The following SBF1 variants were observed in gnomAD, a reference collection of about 807,000 sequenced individuals.
SBF1 encodes the protein myotubularin-related protein 5.
Under a neutral mutation model 215.8 loss-of-function variants are expected in SBF1, and 65 were observed. That is an observed-to-expected ratio of 0.30 (90% CI 0.25 to 0.37). The LOEUF (loss-of-function observed/expected upper bound fraction) is 0.37, where lower values mean the gene tolerates loss of function less well. Ranked by LOEUF, SBF1 falls within the 10% of genes least tolerant of loss-of-function variation. The pLI is 1.00. For missense variants in SBF1, 2,634 were observed against 2,667.8 expected (o/e 0.99, Z 0.28); for synonymous variants, 1,410 against 1,122.8 (o/e 1.26, Z -5.11).
chr22:50,462,252 G>C lies in SBF1; in HGVS notation c.2349C>G (p.Ala783=). ...SSKSRLLRER[A]GLGDLESASN... ...TGGCGCTCTCCAGGTCGCCCAGCCC[G>C]GCACGCTCCCGAAGTAGGCGGCTCT... is the stretch of plus-strand genomic sequence containing the variant. The change falls in exon 19 of 41, where the codon GCC becomes GCG. Residue 783 remains alanine (A), a synonymous_variant. Coordinates refer to ENST00000380817, the MANE Select transcript of SBF1 (RefSeq NM_002972.4). 6.2e-7 allele frequency: 1 copy of C among 1,609,984 alleles called. No homozygotes were observed. Among genetic ancestry groups the C allele is most frequent in the Admixed American group, 1.7e-5 (1 of 60,024 alleles).
At chr22:50,453,201 C>G (rs924067752) in intron 36 of SBF1, among the ~76,000 whole-genome samples, 1 of 152,098 alleles carries the variant, frequency 6.6e-6, no homozygotes, top group Non-Finnish European at 1.5e-5. Context: ...GTAAAAAATA[C>G]AAGAAAACAA....
In SBF1 at chr22:50,462,351, C is replaced by G; in HGVS notation, c.2250G>C (p.Glu750Asp). 6.2e-7 allele frequency: 1 copy of G among 1,614,152 alleles called. No individual in the cohort carries two copies. Among genetic ancestry groups the G allele is most frequent in the Non-Finnish European group, 8.5e-7 (1 of 1,180,022 alleles). ...GGATGGCCTGGCTGAACACCGTGCTCTCCTCCTTCTGCACCAGCTCCTGCT... is the reference window on the plus strand; with the variant it reads ...GGATGGCCTGGCTGAACACCGTGCTGTCCTCCTTCTGCACCAGCTCCTGCT... ...EKQQELVQKE[E>D]STVFSQAIHY... The change falls in exon 19 of 41, where the codon GAG becomes GAC. Residue 750 changes from glutamate to aspartate, a missense_variant. Coordinates refer to ENST00000380817, the MANE Select transcript of SBF1 (RefSeq NM_002972.4).
intron 1 of SBF1, among the ~76,000 whole-genome samples, chr22:50,469,858 C>T (rs1052622955): frequency 6.6e-6 from 1 of 152,150 alleles, no homozygotes; most frequent in African/African-American, 2.4e-5. Flanking sequence ...CCCCTACAGG[C>T]GGGGAGACCA....
At chr22:50,454,376 A>T in intron 36 of SBF1, 136 bp downstream of exon 36, 1 of 739,598 alleles carries the variant, frequency 1.4e-6, no homozygotes, top group Non-Finnish European at 2.2e-6. Context: ...TGGTGGGGAG[A>T]CGGCAGGGCC....
In SBF1 at chr22:50,447,337, C is replaced by G; in HGVS notation, c.5568G>C (p.Glu1856Asp). 1 of 1,614,080 alleles carries G rather than the reference C, an allele frequency of 6.2e-7. No individual in the cohort carries two copies. Among genetic ancestry groups the G allele is most frequent in the Non-Finnish European group, 8.5e-7 (1 of 1,179,984 alleles). ...PTMGAPKTVD[E>D]KAFFDVKTTR... ...CAAGGCTCACGTCAAAGAAGGCCTT[C>G]TCGTCCACAGTCTTAGGGGCACCCA... The change falls in exon 40 of 41, where the codon GAG (glutamate) becomes GAC (aspartate). Residue 1856 changes from glutamate to aspartate, a missense_variant. Physicochemically the swap from Glu to Asp is conservative, Grantham distance 45. Transcript: ENST00000380817.
chr22:50,448,498 C>T, intron 37 of SBF1, 45 bp downstream of exon 37: 1 of 1,608,780 alleles, frequency 6.2e-7, no homozygotes, highest in Non-Finnish European at 8.5e-7. Flanking sequence ...CCACTTTCTC[C>T]CAGCAACACG....
chr22:50,474,446 G>A (rs1344375353), intron 1 of SBF1, among the ~76,000 whole-genome samples: 1 of 152,190 alleles, frequency 6.6e-6, no homozygotes, highest in Non-Finnish European at 1.5e-5. Context: ...AGGCCGGGCA[G>A]GCCGGGCCCA....
chr22:50,461,148 C>A lies in SBF1; in HGVS notation c.2967+11G>T, dbSNP rs773236500. 2 of 1,587,680 alleles carry A rather than the reference C, an allele frequency of 1.3e-6. No individual in the cohort carries two copies. Among genetic ancestry groups the A allele is most frequent in the Admixed American group, 3.5e-5 (2 of 56,990 alleles). ...GGGGGATGAGAGCCCCACCCGCGCA[C>A]CGCGCCCCACCTGGAATGTGCAGGA... is the stretch of plus-strand genomic sequence containing the variant. On this transcript the variant is annotated intron_variant, in intron 23 of 40. Coordinates refer to ENST00000380817, the MANE Select transcript of SBF1 (RefSeq NM_002972.4).
rs1369119607 is a variant in SBF1 at position 50,461,179 on chromosome 22, G to A, written c.2947C>T (p.Leu983=). The A allele has an allele frequency of 1.2e-6, 2 of 1,608,494 alleles. No individual in the cohort carries two copies. Among genetic ancestry groups the A allele is most frequent in the Non-Finnish European group, 1.7e-6 (2 of 1,177,150 alleles). The change falls in exon 23 of 41, where the codon CTG becomes TTG. Residue 983 remains leucine, a synonymous_variant. Transcript: ENST00000380817. The part of the protein sequence containing the change: ...VDQLLQDGLQ[L]RSCTFQLLKM... ...CCCACCTGGAATGTGCAGGAGCGCA[G>A]CTGGAGCCCGTCCTGCAGGAGCTGG...
intron 23 of SBF1, 49 bp downstream of exon 23, chr22:50,461,110 G>A (rs751494605): frequency 2.2e-5 from 34 of 1,543,604 alleles, no homozygotes; most frequent in Non-Finnish European, 2.7e-5. Flanking sequence ...GTTTGCAGGA[G>A]AAAGACCAGG....
At position 50,447,330 on chromosome 22, in the gene SBF1, A is replaced by C. The variant is rs1293857123; in HGVS notation, c.5575T>G (p.Phe1859Val). The stretch of plus-strand genomic sequence containing the variant: ...CCCCGGCCAAGGCTCACGTCAAAGA[A>C]GGCCTTCTCGTCCACAGTCTTAGGG... ...GAPKTVDEKA[F>V]FDVKTTRRVY... The change falls in exon 40 of 41, where the codon TTC becomes GTC. Residue 1859 changes from phenylalanine to valine, a missense_variant. Coordinates refer to ENST00000380817, the MANE Select transcript of SBF1 (RefSeq NM_002972.4). 7.4e-6 allele frequency: 12 copies of C among 1,614,024 alleles called. No homozygotes were observed. The highest frequency in any genetic ancestry group is 1.7e-5 in the Admixed American group (1 of 60,024).
In SBF1 at chr22:50,445,646, C is replaced by T. The variant is rs743038; in HGVS notation, c.*1496G>A. On this transcript the variant is annotated 3_prime_UTR_variant, in exon 41 of 41. Transcript: ENST00000380817. Reference sequence around the variant, plus strand: ...TGGGTTTTCCAGGTGCCAGGAACTTCGGTCAGGCGCCATCTGTCCGGCCTG... The same window carrying T: ...TGGGTTTTCCAGGTGCCAGGAACTTTGGTCAGGCGCCATCTGTCCGGCCTG... 0.46 allele frequency: 69,571 copies of T among 152,216 alleles called. 17,496 individuals are homozygous for T. Among genetic ancestry groups the T allele is most frequent in the Non-Finnish European group, 0.56 (38,080 of 68,030 alleles). The allele number at this position is 152,216 out of a possible 1,614,324, so 9.4% of individuals were successfully genotyped here. A position where few individuals can be genotyped will look rare whatever the true frequency, so the allele number is the denominator to read the frequency against.
rs781322321 is a variant in SBF1, at chr22:50,461,617, G to GC, written c.2744dup (p.Ser916GlnfsTer11). 9 of 1,611,396 alleles carry GC rather than the reference G, an allele frequency of 5.6e-6. No homozygotes were observed. Among genetic ancestry groups the GC allele is most frequent in the Non-Finnish European group, 3.4e-6 (4 of 1,179,650 alleles). On this transcript the variant is annotated frameshift_variant, in exon 22 of 41. Transcript: ENST00000380817. LOFTEE classifies it high-confidence loss of function. ...GGAGCAATGCTGGTCCCCCAGCACT[G>GC]CCCCCCGCGCCCTCCTCACGCCCAT...
rs954377930 is a variant in SBF1, at chr22:50,457,887, C to G, written c.3827-776G>C. On this transcript the variant is annotated intron_variant, in intron 28 of 40. Transcript: ENST00000380817. Reference sequence around the variant, plus strand: ...TGGTCACTACAGGCCAAGCACAATGCCAGCCCAACACGCCCTGTGTCCTCT... The same window carrying G: ...TGGTCACTACAGGCCAAGCACAATGGCAGCCCAACACGCCCTGTGTCCTCT... Among the ~76,000 whole-genome samples the G allele has an allele frequency of 2.6e-5, 4 of 152,240 alleles. No individual in the cohort carries two copies. In the East Asian group the frequency reaches 7.7e-4, roughly 29 times the overall value.
chr22:50,464,512 C>A (rs2067662940), intron 14 of SBF1, 22 bp downstream of exon 14: 16 of 1,603,712 alleles, frequency 1.0e-5, no homozygotes, highest in Non-Finnish European at 1.3e-5. Flanking sequence ...CGGGGCCTGC[C>A]TTCCCCTCCC....
chr22:50,459,206 G>A (rs753211941), intron 28 of SBF1, 49 bp downstream of exon 28: 61 of 1,562,222 alleles, frequency 3.9e-5, no homozygotes, highest in Non-Finnish European at 4.8e-5. Flanking sequence ...ATGCCACCAC[G>A]GCCCCCCAAA....
rs1255879417 is a variant in SBF1, at chr22:50,460,167, G to C, written c.3284-8C>G. On this transcript the variant is annotated splice_polypyrimidine_tract_variant and splice_region_variant and intron_variant, in intron 25 of 40. Coordinates refer to ENST00000380817, the MANE Select transcript of SBF1 (RefSeq NM_002972.4). ...GCTCCAGCTCCTCCGACACTGCACAGGCCGGGCACACGTGGTCATCACGGG... is the reference window on the plus strand; with the variant it reads ...GCTCCAGCTCCTCCGACACTGCACACGCCGGGCACACGTGGTCATCACGGG... 1.2e-6 allele frequency: 2 copies of C among 1,610,360 alleles called. No individual in the cohort carries two copies. The highest frequency in any genetic ancestry group is 1.7e-6 in the Non-Finnish European group (2 of 1,179,732).
intron 31 of SBF1, chr22:50,455,954 G>A: frequency 1.8e-6 from 1 of 562,634 alleles, no homozygotes; most frequent in Non-Finnish European, 3.1e-6. Context: ...CCCCCGTGTG[G>A]TCATCAGCCC....
chr22:50,460,141 G>C lies in SBF1; in HGVS notation c.3302C>G (p.Pro1101Arg). The change falls in exon 26 of 41, where the codon CCC becomes CGC. Residue 1101 changes from proline (P) to arginine (R), a missense_variant. By Grantham distance (103) the Pro-to-Arg change is moderately radical. Transcript: ENST00000380817. ...DEISVSEELE[P>R]STLTPSSALK... The stretch of plus-strand genomic sequence containing the variant: ...GGCTGAGGACGGGGTCAGCGTGCTG[G>C]GCTCCAGCTCCTCCGACACTGCACA... 1 of 1,611,996 alleles carries C rather than the reference G, an allele frequency of 6.2e-7. No individual in the cohort carries two copies. Among genetic ancestry groups the C allele is most frequent in the Non-Finnish European group, 8.5e-7 (1 of 1,179,970 alleles).
Sources: allele counts gnomAD v4.1 joint callset (sites outside exome capture counted in the v4.1 genomes callset), GRCh38; gene constraint gnomAD v4.1.1; transcripts MANE v1.5; gene names NCBI Gene and HGNC (gene_info 2026-07-23, HGNC 2026-07-21).